Variants in PCLO observed in about 807,000 individuals in gnomAD.
The protein encoded by PCLO is piccolo presynaptic cytomatrix protein, also known as protein piccolo.
In PCLO, 82 loss-of-function variants were observed where a neutral mutation model predicts 427.5. The observed-to-expected ratio is 0.19, with a 90% CI of 0.16 to 0.23. The LOEUF (loss-of-function observed/expected upper bound fraction) is 0.23, where lower values mean the gene tolerates loss of function less well. Among genes scored for constraint, PCLO ranks in the 10% least tolerant of loss-of-function variants. PCLO has a pLI of 1.00. For synonymous variants in PCLO, 2,357 were observed against 2,155.4 expected (o/e 1.09, Z -2.59); for missense variants, 6,239 against 6,115.9 (o/e 1.02, Z -0.67).
chr7:82,878,582 G>T (rs1470171619), intron 10 of PCLO, among the ~76,000 whole-genome samples: 1 of 152,060 alleles, frequency 6.6e-6, no homozygotes, highest in Non-Finnish European at 1.5e-5. Flanking sequence ...TTTTCATTAT[G>T]TATTTTGAGA....
intron 3 of PCLO, among the ~76,000 whole-genome samples, chr7:83,105,955 T>TGTTC (rs1790844376): frequency 6.6e-6 from 1 of 152,060 alleles, no homozygotes; most frequent in African/African-American, 2.4e-5. Flanking sequence ...TTTGTTTGTT[T>TGTTC]GGAGTACAGA....
intron 20 of PCLO, among the ~76,000 whole-genome samples, chr7:82,809,544 G>A (rs145174846): frequency 0.012 from 1,831 of 151,104 alleles, 26 homozygotes; most frequent in Admixed American, 0.03. Flanking sequence ...TTTTCTCCTT[G>A]GTAACTTCCT....
chr7:82,915,219 A>G lies in PCLO; in HGVS notation c.12767T>C (p.Met4256Thr), dbSNP rs768049224. 2.9e-5 allele frequency: 47 copies of G among 1,612,928 alleles called. No homozygotes were observed. The highest frequency in any genetic ancestry group is 2.3e-5 in the Non-Finnish European group (27 of 1,179,540). Reference sequence around the variant, plus strand: ...CAGTCCTGTGCCAAGAGAAGATCCCATAAATTTTTGTTGGTCTGTAATATT... The same window carrying G: ...CAGTCCTGTGCCAAGAGAAGATCCCGTAAATTTTTGTTGGTCTGTAATATT... ...RKNITDQQKF[M>T]GSSLGTGLGT... The change falls in exon 7 of 25, where the codon ATG (methionine) becomes ACG (threonine). Residue 4256 changes from methionine (M) to threonine (T), a missense_variant. This residue lies in a region of PCLO where 680 missense variants were observed against 677.3 expected (regional missense o/e 1.00). Coordinates refer to ENST00000333891, the MANE Select transcript of PCLO (RefSeq NM_033026.6).
chr7:83,117,624 G>C (rs535802659), intron 3 of PCLO, among the ~76,000 whole-genome samples: 1 of 152,286 alleles, frequency 6.6e-6, no homozygotes, highest in East Asian at 1.9e-4. Flanking sequence ...TTCTTCACCT[G>C]TGACTCAAAC....
At chr7:82,773,371 A>T (rs1256048982) in intron 22 of PCLO, among the ~76,000 whole-genome samples, 1 of 152,188 alleles carries the variant, frequency 6.6e-6, no homozygotes, top group Non-Finnish European at 1.5e-5. Flanking sequence ...GCAGTCAGAT[A>T]ACCTCTGAGT....
At chr7:83,081,942 T>C (rs1790111231) in intron 3 of PCLO, among the ~76,000 whole-genome samples, 1 of 151,770 alleles carries the variant, frequency 6.6e-6, no homozygotes, top group African/African-American at 2.4e-5. Context: ...TTTAACAAAA[T>C]GACTGTCAAA....
At chr7:82,855,061 A>G (rs1225245606) in intron 10 of PCLO, among the ~76,000 whole-genome samples, 1 of 152,142 alleles carries the variant, frequency 6.6e-6, no homozygotes, top group African/African-American at 2.4e-5. Flanking sequence ...CTTTACTCAC[A>G]TATCTAAAAT....
At chr7:83,004,874 GT>G (rs568563333) in intron 3 of PCLO, among the ~76,000 whole-genome samples, 3 of 151,310 alleles carry the variant, frequency 2.0e-5, no homozygotes, top group African/African-American at 7.3e-5. Context: ...GACATGGATA[GT>G]TTTTTTTATT....
chr7:83,063,600 A>G (rs1198543327), intron 3 of PCLO, among the ~76,000 whole-genome samples: 1 of 152,110 alleles, frequency 6.6e-6, no homozygotes, highest in Non-Finnish European at 1.5e-5. Flanking sequence ...GCTAGGCTAA[A>G]CTATGATGTT....
intron 3 of PCLO, among the ~76,000 whole-genome samples, chr7:83,030,136 A>AG (rs1401719470): frequency 7.7e-5 from 7 of 91,444 alleles, no homozygotes; most frequent in African/African-American, 1.8e-4. Flanking sequence ...AAAAAAAAAG[A>AG]AAAGAAAAGA....
In PCLO at chr7:82,758,579, T is replaced by G; in HGVS notation, c.15425A>C (p.His5142Pro). The G allele has an allele frequency of 6.2e-7, 1 of 1,608,472 alleles. No homozygotes were observed. Among genetic ancestry groups the G allele is most frequent in the Non-Finnish European group, 8.5e-7 (1 of 1,177,496 alleles). The change falls in exon 25 of 25, where the codon CAT (histidine) becomes CCT (proline). Residue 5142 changes from histidine (H) to proline (P), a missense_variant. Physicochemically the swap from His to Pro is moderately conservative, Grantham distance 77 (BLOSUM62 -2). Coordinates refer to ENST00000333891, the MANE Select transcript of PCLO (RefSeq NM_033026.6). ...ACCCTGAGAAGACATGTTTCTTCAATGCGTTTGAGTAGGACTGACCAAAAG... is the reference window on the plus strand; with the variant it reads ...ACCCTGAGAAGACATGTTTCTTCAAGGCGTTTGAGTAGGACTGACCAAAAG... The part of the protein sequence containing the change: ...HKLLVSPTQT[H>P]
intron 6 of PCLO, among the ~76,000 whole-genome samples, chr7:82,929,233 A>G (rs1794786263): frequency 6.6e-6 from 1 of 152,200 alleles, no homozygotes; most frequent in South Asian, 2.1e-4. Context: ...AATACATCAA[A>G]GCTTACCATG....
At chr7:82,931,656 T>C (rs1314500036) in intron 6 of PCLO, among the ~76,000 whole-genome samples, 1 of 152,142 alleles carries the variant, frequency 6.6e-6, no homozygotes, top group Non-Finnish European at 1.5e-5. Flanking sequence ...TGGACCTTTG[T>C]AGAGCAATTC....
intron 10 of PCLO, among the ~76,000 whole-genome samples, chr7:82,857,364 A>C (rs925055877): frequency 6.6e-6 from 1 of 152,152 alleles, no homozygotes; most frequent in Non-Finnish European, 1.5e-5. Context: ...TTACTGAATT[A>C]TTAATAATTT....
At position 82,915,134 on chromosome 7, in the gene PCLO, A is replaced by T. The variant is rs767027103; in HGVS notation, c.12852T>A (p.Ser4284Arg). 2.6e-5 allele frequency: 42 copies of T among 1,590,608 alleles called. No individual in the cohort carries two copies. In the Middle Eastern group the frequency reaches 4.5e-3, roughly 169 times the overall value. Residue 4284 changes from serine to arginine, a missense_variant, in exon 7 of 25, where the codon AGT becomes AGA. Transcript: ENST00000333891. Reference protein sequence around the residue: ...ALQDEADKPYSSGSRSRPSSR... With the variant: ...ALQDEADKPYRSGSRSRPSSR... ...AGGAAGGTCTGGACCTGCTGCCACT[A>T]CTGTATGGCTTATCCGCTTCATCCT...
chr7:82,755,526 A>G lies in PCLO; in HGVS notation c.*3049T>C, dbSNP rs1051982984. Reference sequence around the variant, plus strand: ...TTTCTTTAGGACCAAATTTGAAACCAAGAAGCAACATCAGTCTCTGATGAC... The same window carrying G: ...TTTCTTTAGGACCAAATTTGAAACCGAGAAGCAACATCAGTCTCTGATGAC... On this transcript the variant is annotated 3_prime_UTR_variant, in exon 25 of 25. Transcript: ENST00000333891. 1 of 152,172 alleles carries G rather than the reference A, an allele frequency of 6.6e-6. No individual in the cohort carries two copies. The highest frequency in any genetic ancestry group is 1.5e-5 in the Non-Finnish European group (1 of 68,034). The allele number at this position is 152,172 out of a possible 1,614,324, so 9.4% of individuals were successfully genotyped here. A position where few individuals can be genotyped will look rare whatever the true frequency, so the allele number is the denominator to read the frequency against.
At chr7:83,094,938 C>T (rs12538694) in intron 3 of PCLO, among the ~76,000 whole-genome samples, 69,838 of 151,776 alleles carry the variant, frequency 0.46, 16,467 homozygotes, top group East Asian at 0.71. Flanking sequence ...ATATTTGTAC[C>T]GTCTTTGTTT....
chr7:83,049,079 G>C (rs1368933024), intron 3 of PCLO, among the ~76,000 whole-genome samples: 1 of 152,104 alleles, frequency 6.6e-6, no homozygotes, highest in African/African-American at 2.4e-5. Flanking sequence ...ACCAGCTGCT[G>C]TTTTTTCACT....
intron 6 of PCLO, among the ~76,000 whole-genome samples, chr7:82,946,881 A>G (rs1278439008): frequency 1.3e-5 from 2 of 152,220 alleles, no homozygotes; most frequent in Non-Finnish European, 2.9e-5. Context: ...AGTAAGGGCA[A>G]GTGTAGAAGG....
Sources: allele counts gnomAD v4.1 joint callset (sites outside exome capture counted in the v4.1 genomes callset), GRCh38; gene constraint gnomAD v4.1.1; regional missense constraint gnomAD v4.1.1; transcripts MANE v1.5; gene names NCBI Gene and HGNC (gene_info 2026-07-23, HGNC 2026-07-21).